AIG1: variants seen among roughly 807,000 people sequenced by gnomAD.
The protein encoded by AIG1 is androgen-induced gene 1 protein.
AIG1 carries 23 observed loss-of-function variants against 31.4 expected under a neutral mutation model. The ratio of observed to expected loss-of-function variants is 0.73; its 90% CI spans 0.53 to 1.04. The LOEUF (loss-of-function observed/expected upper bound fraction) is 1.04, where lower values mean the gene tolerates loss of function less well. Ranked by LOEUF, AIG1 falls within the 50% of genes least tolerant of loss-of-function variation. The pLI is 0.00. For missense variants in AIG1, 274 were observed against 295.0 expected (o/e 0.93, Z 0.52); for synonymous variants, 100 against 110.5 (o/e 0.90, Z 0.60).
intron 3 of AIG1, among the ~76,000 whole-genome samples, chr6:143,260,017 C>CTTTTTTT (rs35620148): frequency 8.2e-5 from 7 of 85,114 alleles, no homozygotes; most frequent in African/African-American, 1.9e-4. Context: ...TCTTGTGCTT[C>CTTTTTTT]TTTTTTTTTT....
Position 143,085,345 on chromosome 6 carries a change from C to T in AIG1, c.141+24279C>T, listed in dbSNP as rs183633816. Among the ~76,000 whole-genome samples, 378 of 152,272 alleles carry T rather than the reference C, an allele frequency of 2.5e-3. 3 individuals carry two copies. The highest frequency in any genetic ancestry group is 8.6e-3 in the African/African-American group (358 of 41,548). On this transcript the variant is annotated intron_variant, in intron 1 of 5. Transcript: ENST00000357847. Reference sequence around the variant, plus strand: ...TCCTAATGCTTATTCCTTTCCAGGACGTATAACAACCCATGGACCTCTGCT... The same window carrying T: ...TCCTAATGCTTATTCCTTTCCAGGATGTATAACAACCCATGGACCTCTGCT...
chr6:143,205,965 C>T (rs1428302160), intron 3 of AIG1, among the ~76,000 whole-genome samples: 2 of 152,158 alleles, frequency 1.3e-5, no homozygotes, highest in Non-Finnish European at 2.9e-5. Context: ...TTTCATTTCC[C>T]TCCAAATCAT....
At chr6:143,133,577 G>C (rs1438609008) in intron 1 of AIG1, among the ~76,000 whole-genome samples, 1 of 152,020 alleles carries the variant, frequency 6.6e-6, no homozygotes, top group African/African-American at 2.4e-5. Context: ...TTTCTAAGAT[G>C]GGCTTGATTT....
At position 143,108,024 on chromosome 6, in the gene AIG1, C is replaced by T. The variant is rs568494130; in HGVS notation, c.142-28811C>T. On this transcript the variant is annotated intron_variant, in intron 1 of 5. Coordinates refer to ENST00000357847, the MANE Select transcript of AIG1 (RefSeq NM_016108.4). ...AGTTGGCTTATATGTTTTGCTTAAA[C>T]GTTTAGACCTGTCAAAATGGCCACC... Among the ~76,000 whole-genome samples, 26 of 152,230 alleles carry T rather than the reference C, an allele frequency of 1.7e-4. No individual in the cohort carries two copies. In the East Asian group the frequency reaches 2.3e-3, roughly 14 times the overall value.
chr6:143,080,321 T>C (rs1010701495), intron 1 of AIG1, among the ~76,000 whole-genome samples: 3 of 152,148 alleles, frequency 2.0e-5, no homozygotes, highest in African/African-American at 7.2e-5. Context: ...TAGATCTTAG[T>C]CATGGACTGC....
intron 4 of AIG1, among the ~76,000 whole-genome samples, chr6:143,324,211 G>A (rs1177689427): frequency 6.6e-6 from 1 of 152,188 alleles, no homozygotes; most frequent in African/African-American, 2.4e-5. Flanking sequence ...TTCTCTGAAG[G>A]AAGTGTTTAT....
chr6:143,139,335 C>T (rs1784058867), intron 2 of AIG1, among the ~76,000 whole-genome samples: 1 of 148,158 alleles, frequency 6.7e-6, no homozygotes. Context: ...CAGCATCACA[C>T]TTTCATGGCG....
chr6:143,153,506 C>T (rs1785441164), intron 2 of AIG1, among the ~76,000 whole-genome samples: 2 of 152,110 alleles, frequency 1.3e-5, no homozygotes, highest in South Asian at 4.1e-4. Context: ...TGCCAGCATG[C>T]CTGGCTAATT....
At chr6:143,115,218 G>T (rs1471642650) in intron 1 of AIG1, among the ~76,000 whole-genome samples, 1 of 152,162 alleles carries the variant, frequency 6.6e-6, no homozygotes, top group African/African-American at 2.4e-5. Context: ...TTCTAAAATA[G>T]AATGATTGGT....
rs1450770512 is a variant in AIG1 at position 143,330,330 on chromosome 6, T to TGGCCAGG, written c.516-2950_516-2944dup. ...TAGAGGTTGCAATTTTTAGATACAG[T>TGGCCAGG]GGCCAGGGAAGACATCACTGGAAAG... On this transcript the variant is annotated intron_variant, in intron 4 of 5. Coordinates refer to ENST00000357847, the MANE Select transcript of AIG1 (RefSeq NM_016108.4). This position sits in a 1 kb window ranked among gnomAD's most constrained non-coding sequence, Gnocchi z 4.4. Among the ~76,000 whole-genome samples, 1 of 151,996 alleles carries TGGCCAGG rather than the reference T, an allele frequency of 6.6e-6. No individual in the cohort carries two copies. Among genetic ancestry groups the TGGCCAGG allele is most frequent in the Non-Finnish European group, 1.5e-5 (1 of 68,022 alleles).
chr6:143,252,496 T>TG (rs1442479811), intron 3 of AIG1, among the ~76,000 whole-genome samples: 1 of 152,070 alleles, frequency 6.6e-6, no homozygotes, highest in Admixed American at 6.6e-5. Flanking sequence ...AAAATGAGGA[T>TG]GGGGGGAGGC....
At chr6:143,296,762 A>G (rs1451624123) in intron 4 of AIG1, among the ~76,000 whole-genome samples, 1 of 152,224 alleles carries the variant, frequency 6.6e-6, no homozygotes, top group African/African-American at 2.4e-5. Flanking sequence ...TTGATCTAAA[A>G]TAGCCATATA....
intron 1 of AIG1, among the ~76,000 whole-genome samples, chr6:143,071,801 TG>T (rs1283359098): frequency 1.3e-5 from 2 of 151,664 alleles, no homozygotes; most frequent in African/African-American, 2.4e-5. Flanking sequence ...TGTATGTGTG[TG>T]TGACTGAGTC....
At chr6:143,137,077 A>AAG in intron 2 of AIG1, 87 bp downstream of exon 2, 1 of 1,284,794 alleles carries the variant, frequency 7.8e-7, no homozygotes, top group Non-Finnish European at 1.0e-6. Flanking sequence ...AGTTCATTAT[A>AAG]AGAGGTTTCT....
intron 3 of AIG1, among the ~76,000 whole-genome samples, chr6:143,226,696 T>TA (rs1487926256): frequency 6.6e-6 from 1 of 152,178 alleles, no homozygotes; most frequent in Non-Finnish European, 1.5e-5. Flanking sequence ...TTATTGAATT[T>TA]AAAATAGGTA....
intron 2 of AIG1, among the ~76,000 whole-genome samples, chr6:143,138,133 A>G (rs958213444): frequency 5.3e-5 from 8 of 152,194 alleles, no homozygotes; most frequent in East Asian, 1.9e-4. Flanking sequence ...GAAAAACACA[A>G]TGGCCAGAGA....
chr6:143,233,058 G>A (rs1793560170), intron 3 of AIG1, among the ~76,000 whole-genome samples: 1 of 152,084 alleles, frequency 6.6e-6, no homozygotes, highest in Admixed American at 6.5e-5. Context: ...ACCAGAGGGA[G>A]GTATTGCCCT....
At position 143,331,026 on chromosome 6, in the gene AIG1, T is replaced by C. The variant is rs1431463083; in HGVS notation, c.516-2256T>C. Reference sequence around the variant, plus strand: ...CTTTTTTTGATACAAATATTTTTGTTTGGACAGTGATTGAGACTGACCTGG... The same window carrying C: ...CTTTTTTTGATACAAATATTTTTGTCTGGACAGTGATTGAGACTGACCTGG... On this transcript the variant is annotated intron_variant, in intron 4 of 5. Coordinates refer to ENST00000357847, the MANE Select transcript of AIG1 (RefSeq NM_016108.4). This position sits in a 1 kb window ranked among gnomAD's most constrained non-coding sequence, Gnocchi z 4.1. Among the ~76,000 whole-genome samples the C allele has an allele frequency of 6.6e-6, 1 of 152,158 alleles. No homozygotes were observed. Among genetic ancestry groups the C allele is most frequent in the Admixed American group, 6.5e-5 (1 of 15,282 alleles).
intron 3 of AIG1, chr6:143,190,023 A>T: frequency 6.4e-6 from 3 of 465,454 alleles, no homozygotes; most frequent in Non-Finnish European, 8.4e-6. Context: ...GGAACAAGTA[A>T]TCTCTCTGGA....
Sources: allele counts gnomAD v4.1 joint callset (sites outside exome capture counted in the v4.1 genomes callset), GRCh38; gene constraint gnomAD v4.1.1; non-coding constraint Gnocchi (gnomAD v3.1); transcripts MANE v1.5; gene names NCBI Gene and HGNC (gene_info 2026-07-23, HGNC 2026-07-21).